The following SNX20 variants were observed in gnomAD, a reference collection of about 807,000 sequenced individuals.
SNX20 encodes the protein sorting nexin 20.
In SNX20, 21 loss-of-function variants were observed where a neutral mutation model predicts 24.5. The ratio of observed to expected loss-of-function variants is 0.86; its 90% CI spans 0.61 to 1.23. SNX20 has a LOEUF of 1.23. Ranked by LOEUF, SNX20 falls within the 50% of genes most tolerant of loss-of-function variation. SNX20 has a pLI of 0.00. For missense variants in SNX20, 433 were observed against 430.8 expected (o/e 1.00, Z -0.04); for synonymous variants, 206 against 192.8 (o/e 1.07, Z -0.57).
intron 1 of SNX20, 149 bp downstream of exon 1, chr16:50,681,041 G>C (rs1171027197): frequency 2.0e-5 from 3 of 152,284 alleles, no homozygotes; most frequent in African/African-American, 7.2e-5. Context: ...CTCTGCCTCA[G>C]TGTGCTAAGG....
At chr16:50,671,477 G>A (rs564992537), downstream of SNX20, 2 of 152,234 alleles carry the variant, frequency 1.3e-5, no homozygotes, top group South Asian at 4.2e-4. Flanking sequence ...CTCATATCGG[G>A]GGTCTAACTC....
At position 50,673,699 on chromosome 16, in the gene SNX20, C is replaced by A. The variant is rs982196607; in HGVS notation, c.658G>T (p.Ala220Ser). The part of the protein sequence containing the change: ...RVLPLQEKLT[A>S]HCPAAAVPAL... ...GGGACGGCGGCCGCAGGGCAGTGGG[C>A]GGTGAGCTTCTCCTGCAGCGGCAGC... Residue 220 changes from alanine to serine, a missense_variant, in exon 4 of 4, where the codon GCC (alanine) becomes TCC (serine). By Grantham distance (99) the Ala-to-Ser change is moderately conservative. Coordinates refer to ENST00000330943, the MANE Select transcript of SNX20 (RefSeq NM_182854.4). The surrounding 1 kb of genome is among the most constrained non-coding windows in gnomAD (Gnocchi z 4.1). The A allele has an allele frequency of 2.0e-6, 3 of 1,500,096 alleles. No individual in the cohort carries two copies. The highest frequency in any genetic ancestry group is 2.6e-6 in the Non-Finnish European group (3 of 1,132,888). 92.9% of individuals were successfully genotyped at this position (1,500,096 alleles called of 1,614,324 possible). A position where few individuals can be genotyped will look rare whatever the true frequency, so the allele number is the denominator to read the frequency against.
At chr16:50,679,156 G>C (rs1391044925) in intron 1 of SNX20, among the ~76,000 whole-genome samples, 1 of 152,172 alleles carries the variant, frequency 6.6e-6, no homozygotes, top group East Asian at 1.9e-4. Flanking sequence ...GGTAGAGCTG[G>C]GACTTGAACT....
rs1156455326 is a variant in SNX20 at position 50,671,843 on chromosome 16, C to T, written c.*1563G>A. The T allele has an allele frequency of 6.6e-6, 1 of 152,202 alleles. No individual in the cohort carries two copies. The highest frequency in any genetic ancestry group is 1.5e-5 in the Non-Finnish European group (1 of 68,056). 9.4% of individuals were successfully genotyped at this position (152,202 alleles called of 1,614,324 possible). ...GATGGGGCGTCTACAGTTTTTACCA[C>T]AAGGTGTCGCTGTTGAACAGATTCT... On this transcript the variant is annotated 3_prime_UTR_variant, in exon 4 of 4. Transcript: ENST00000330943.
chr16:50,674,043 C>A lies in SNX20; in HGVS notation c.314G>T (p.Ser105Ile), dbSNP rs1963125291. Residue 105 changes from serine to isoleucine, a missense_variant, in exon 4 of 4, where the codon AGC (serine) becomes ATC (isoleucine). By Grantham distance (142) the Ser-to-Ile change is moderately radical. Coordinates refer to ENST00000330943, the MANE Select transcript of SNX20 (RefSeq NM_182854.4). ...VYQIIVIQTGSFDNNKAVLER... is the reference protein window; with the variant it reads ...VYQIIVIQTGIFDNNKAVLER... Reference sequence around the variant, plus strand: ...CAGGACGGCCTTGTTGTTGTCAAAGCTCCCAGTCTGGATGACGATGATTTG... The same window carrying A: ...CAGGACGGCCTTGTTGTTGTCAAAGATCCCAGTCTGGATGACGATGATTTG... 3 of 1,607,280 alleles carry A rather than the reference C, an allele frequency of 1.9e-6. No homozygotes were observed. The highest frequency in any genetic ancestry group is 4.5e-5 in the East Asian group (2 of 44,348).
downstream of SNX20, chr16:50,669,204 T>G: frequency 1.2e-6 from 1 of 830,288 alleles, no homozygotes. Context: ...CATTTTGCAT[T>G]GCTATAAAGG....
At chr16:50,680,153 T>C (rs376969210) in intron 1 of SNX20, among the ~76,000 whole-genome samples, 3 of 152,156 alleles carry the variant, frequency 2.0e-5, no homozygotes, top group East Asian at 3.8e-4. Context: ...AGGAAAGAGT[T>C]GTGCACTGGT....
downstream of SNX20, chr16:50,666,989 C>T (rs1433117563): frequency 6.6e-6 from 1 of 152,164 alleles, no homozygotes. Context: ...GTCCTTGGAT[C>T]CTGCTTGGTG....
At position 50,675,797 on chromosome 16, in the gene SNX20, G is replaced by T; in HGVS notation, c.255C>A (p.Ile85=). ...CAAACTTAGAGACTTTTCTCTCCTCGATGCGAGCTGAAGCGATCTCAAAGA... is the reference window on the plus strand; with the variant it reads ...CAAACTTAGAGACTTTTCTCTCCTCTATGCGAGCTGAAGCGATCTCAAAGA... ...KLLFEIASAR[I]EERKVSKFVV... is the part of the protein sequence containing the mutation. The change falls in exon 3 of 4, where the codon ATC becomes ATA. Residue 85 remains isoleucine, a synonymous_variant. Transcript: ENST00000330943. The T allele has an allele frequency of 6.2e-7, 1 of 1,613,312 alleles. No individual in the cohort carries two copies. The highest frequency in any genetic ancestry group is 8.5e-7 in the Non-Finnish European group (1 of 1,179,678).
In SNX20 at chr16:50,673,814, C is replaced by T; in HGVS notation, c.543G>A (p.Leu181=). The change falls in exon 4 of 4, where the codon CTG becomes CTA. Residue 181 remains leucine, a synonymous_variant. Transcript: ENST00000330943. This position sits in a 1 kb window ranked among gnomAD's most constrained non-coding sequence, Gnocchi z 4.1. ...IRCVRRSREF[L]DFLTRPELRE... is the part of the protein sequence containing the mutation. ...GCAGCTCCGGCCGCGTGAGGAAGTC[C>T]AGGAACTCCCGGGAGCGGCGCACGC... is the stretch of plus-strand genomic sequence containing the variant. 1 of 1,594,416 alleles carries T rather than the reference C, an allele frequency of 6.3e-7. No individual in the cohort carries two copies. The highest frequency in any genetic ancestry group is 8.5e-7 in the Non-Finnish European group (1 of 1,175,566).
At chr16:50,676,374 C>A (rs1963182820) in intron 2 of SNX20, among the ~76,000 whole-genome samples, 1 of 152,080 alleles carries the variant, frequency 6.6e-6, no homozygotes, top group Non-Finnish European at 1.5e-5. Flanking sequence ...TATGTTCCAG[C>A]CTCAGCGGGC....
rs989758958 is a variant in SNX20, at chr16:50,673,271, A to G, written c.*135T>C. ...AGACATAATTGAGCCACTGCACTTC[A>G]GTCTGGGTGACAGAGCAAGACTGTC... On this transcript the variant is annotated 3_prime_UTR_variant, in exon 4 of 4. Coordinates refer to ENST00000330943, the MANE Select transcript of SNX20 (RefSeq NM_182854.4). The surrounding 1 kb of genome is among the most constrained non-coding windows in gnomAD (Gnocchi z 4.1). The G allele has an allele frequency of 1.2e-5, 15 of 1,303,966 alleles. No homozygotes were observed. Among genetic ancestry groups the G allele is most frequent in the Non-Finnish European group, 1.5e-5 (15 of 1,025,950 alleles). The allele number at this position is 1,303,966 out of a possible 1,614,324, so 80.8% of individuals were successfully genotyped here.
chr16:50,673,333 AG>A lies in SNX20; in HGVS notation c.*72del, dbSNP rs1445557073. 20 of 1,392,254 alleles carry A rather than the reference AG, an allele frequency of 1.4e-5. No individual in the cohort carries two copies. Among genetic ancestry groups the A allele is most frequent in the Non-Finnish European group, 1.7e-5 (18 of 1,067,724 alleles). 86.2% of individuals were successfully genotyped at this position (1,392,254 alleles called of 1,614,324 possible). On this transcript the variant is annotated 3_prime_UTR_variant, in exon 4 of 4. Coordinates refer to ENST00000330943, the MANE Select transcript of SNX20 (RefSeq NM_182854.4). This position sits in a 1 kb window ranked among gnomAD's most constrained non-coding sequence, Gnocchi z 4.1. ...AAAAGAAAAGGAAAAATAAAAAAAA[AG>A]AACCCCAAACAGCCCACTGTGAGCC...
At position 50,675,872 on chromosome 16, in the gene SNX20, A is replaced by C; in HGVS notation, c.180T>G (p.Leu60=). 1 of 1,612,970 alleles carries C rather than the reference A, an allele frequency of 6.2e-7. No individual in the cohort carries two copies. Among genetic ancestry groups the C allele is most frequent in the Non-Finnish European group, 8.5e-7 (1 of 1,179,604 alleles). The part of the protein sequence containing the change: ...SSNSSMTTRE[L]QQYWQNQKCR... ...ATTTCTGGTTCTGCCAGTACTGCTGAAGCTCCCGCGTGGTCATGCTGGAGT... is the reference window on the plus strand; with the variant it reads ...ATTTCTGGTTCTGCCAGTACTGCTGCAGCTCCCGCGTGGTCATGCTGGAGT... The change falls in exon 3 of 4, where the codon CTT becomes CTG. Residue 60 remains leucine, a synonymous_variant. Coordinates refer to ENST00000330943, the MANE Select transcript of SNX20 (RefSeq NM_182854.4).
At chr16:50,677,693 C>T (rs1160311974) in intron 1 of SNX20, among the ~76,000 whole-genome samples, 158 bp from the exon 2 acceptor site, 1 of 152,212 alleles carries the variant, frequency 6.6e-6, no homozygotes, top group Non-Finnish European at 1.5e-5. Flanking sequence ...GCTGCCAGAT[C>T]CCAAATCTGG....
At chr16:50,676,032 G>A (rs975319114) in intron 2 of SNX20, 111 bp from the exon 3 acceptor site, 12 of 1,179,116 alleles carry the variant, frequency 1.0e-5, no homozygotes, top group Non-Finnish European at 1.4e-5. Flanking sequence ...CTCCTGAAGA[G>A]TATTGAATAT....
At chr16:50,677,568 A>C (rs768298455) in intron 1 of SNX20, 33 bp from the exon 2 acceptor site, 2 of 1,467,688 alleles carry the variant, frequency 1.4e-6, no homozygotes, top group East Asian at 2.6e-5. Flanking sequence ...GTGAGGACCC[A>C]CTCCAGTTGG....
chr16:50,675,579 C>T (rs551780722), intron 3 of SNX20, among the ~76,000 whole-genome samples, 191 bp downstream of exon 3: 2 of 152,132 alleles, frequency 1.3e-5, no homozygotes, highest in Admixed American at 1.3e-4. Context: ...TTATATGGTT[C>T]GAATCCTCAC....
In SNX20 at chr16:50,673,325, A is replaced by T. The variant is rs75121949; in HGVS notation, c.*81T>A. 14,790 of 1,358,934 alleles carry T rather than the reference A, an allele frequency of 0.011. 1,264 individuals carry two copies. In the African/African-American group the frequency reaches 0.19, roughly 18 times the overall value. The allele number at this position is 1,358,934 out of a possible 1,614,324, so 84.2% of individuals were successfully genotyped here. The stretch of plus-strand genomic sequence containing the variant: ...AATAACAAAAAAGAAAAGGAAAAAT[A>T]AAAAAAAAGAACCCCAAACAGCCCA... On this transcript the variant is annotated 3_prime_UTR_variant, in exon 4 of 4. Transcript: ENST00000330943. The surrounding 1 kb of genome is among the most constrained non-coding windows in gnomAD (Gnocchi z 4.1).
Sources: gnomAD v4.1 joint callset for allele counts (sites outside exome capture counted in the v4.1 genomes callset) on GRCh38, gnomAD v4.1.1 for gene constraint, Gnocchi (gnomAD v3.1) non-coding constraint, MANE v1.5 for transcripts, NCBI Gene and HGNC (gene_info 2026-07-23, HGNC 2026-07-21) for gene names.